The following NCOA2 variants were observed in gnomAD, a reference collection of about 807,000 sequenced individuals.
NCOA2 encodes class E basic helix-loop-helix protein 75.
In NCOA2, 21 loss-of-function variants were observed where a neutral mutation model predicts 145.1. The ratio of observed to expected loss-of-function variants is 0.14; its 90% CI spans 0.10 to 0.21. The LOEUF (loss-of-function observed/expected upper bound fraction) is 0.21, where lower values mean the gene tolerates loss of function less well. Ranked by LOEUF, NCOA2 falls within the 10% of genes least tolerant of loss-of-function variation. The pLI, the probability that NCOA2 is intolerant of heterozygous loss-of-function variation, is 1.00. For synonymous variants in NCOA2, 619 were observed against 637.5 expected, an observed-to-expected ratio of 0.97 and a Z score of 0.44; for missense variants, 1,472 against 1,837.6, an observed-to-expected ratio of 0.80 and a Z score of 3.64.
At position 70,266,363 on chromosome 8, in the gene NCOA2, G is replaced by C. The variant is rs116784957; in HGVS notation, c.-20+30381C>G. ...ATCAATCTACATAAAATGTTACTTTGGTAATGTCACTTGTTAGCTCCTGGA... is the reference window on the plus strand; with the variant it reads ...ATCAATCTACATAAAATGTTACTTTCGTAATGTCACTTGTTAGCTCCTGGA... On this transcript the variant is annotated intron_variant, in intron 2 of 22. Coordinates refer to ENST00000452400, the MANE Select transcript of NCOA2 (RefSeq NM_006540.4). 9.4e-3 allele frequency among the ~76,000 whole-genome samples: 1,433 copies of C among 152,190 alleles called. 22 individuals carry two copies. The highest frequency in any genetic ancestry group is 0.032 in the African/African-American group (1,336 of 41,522).
At position 70,144,663 on chromosome 8, in the gene NCOA2, T is replaced by G. The variant is rs770653398; in HGVS notation, c.2791A>C (p.Asn931His). The G allele has an allele frequency of 6.2e-7, 1 of 1,613,938 alleles. No homozygotes were observed. Among genetic ancestry groups the G allele is most frequent in the South Asian group, 1.1e-5 (1 of 91,076 alleles). ...TTACCTGTGCTACTGTTCCCTAAAT[T>G]TCCTTGGTTTCCTATCATCCCTTGA... ...GNQGMIGNQGNLGNSSTGMIG... is the reference protein window; with the variant it reads ...GNQGMIGNQGHLGNSSTGMIG... Residue 931 changes from asparagine (N) to histidine (H), a missense_variant, in exon 13 of 23, where the codon AAT becomes CAT. Coordinates refer to ENST00000452400, the MANE Select transcript of NCOA2 (RefSeq NM_006540.4).
At chr8:70,289,084 C>T (rs889387377) in intron 2 of NCOA2, among the ~76,000 whole-genome samples, 2 of 152,080 alleles carry the variant, frequency 1.3e-5, no homozygotes, top group African/African-American at 2.4e-5. Flanking sequence ...AATATAATAG[C>T]GTAAGTAATC....
chr8:70,437,510 G>A, the NCOA2 span, among the ~76,000 whole-genome samples: 3 of 152,190 alleles, frequency 2.0e-5, no homozygotes, highest in Admixed American at 6.5e-5. Flanking sequence ...AATCTGGTTT[G>A]ACCGAAGAAA....
intron 2 of NCOA2, among the ~76,000 whole-genome samples, chr8:70,270,666 A>C (rs2135280155): frequency 6.6e-6 from 1 of 152,286 alleles, no homozygotes; most frequent in Non-Finnish European, 1.5e-5. Context: ...ACCATAAAAA[A>C]ATTCTGCTTT....
At position 70,276,782 on chromosome 8, in the gene NCOA2, C is replaced by T. The variant is rs186834520; in HGVS notation, c.-20+19962G>A. Reference sequence around the variant, plus strand: ...AGTCTCGGGTATTTCTTCATAGCAGCGTGAGGACTAATATATACACCCGTT... The same window carrying T: ...AGTCTCGGGTATTTCTTCATAGCAGTGTGAGGACTAATATATACACCCGTT... On this transcript the variant is annotated intron_variant, in intron 2 of 22. Transcript: ENST00000452400. Among the ~76,000 whole-genome samples, 82 of 152,232 alleles carry T rather than the reference C, an allele frequency of 5.4e-4. 1 individual carries two copies. Among genetic ancestry groups the T allele is most frequent in the Non-Finnish European group, 1.9e-4 (13 of 68,020 alleles).
rs1170039842 is a variant in NCOA2, at chr8:70,110,351, G to C, written c.*3281C>G. 5.1e-6 allele frequency: 1 copy of C among 195,298 alleles called. No homozygotes were observed. Among genetic ancestry groups the C allele is most frequent in the Non-Finnish European group, 1.1e-5 (1 of 94,084 alleles). The allele number at this position is 195,298 out of a possible 1,614,324, so 12.1% of individuals were successfully genotyped here. ...AAAACAGATCTAAGGCATTATGCTA[G>C]ATTTTAGCATTTTGAGGTTCTTGCA... On this transcript the variant is annotated 3_prime_UTR_variant, in exon 23 of 23. Coordinates refer to ENST00000452400, the MANE Select transcript of NCOA2 (RefSeq NM_006540.4).
At chr8:70,122,656 A>G (rs552540917) in intron 21 of NCOA2, among the ~76,000 whole-genome samples, 10 of 152,346 alleles carry the variant, frequency 6.6e-5, no homozygotes, top group African/African-American at 2.4e-4. Flanking sequence ...ACAAGCACAC[A>G]ACCTTCTTAA....
At position 70,252,838 on chromosome 8, in the gene NCOA2, T is replaced by C. The variant is rs539680135; in HGVS notation, c.-19-36074A>G. 4.6e-5 allele frequency among the ~76,000 whole-genome samples: 7 copies of C among 152,322 alleles called. No individual in the cohort carries two copies. The South Asian group carries it at 1.2e-3, about 27-fold the overall frequency. ...TAGAGATGTTATATTCTGAGGCAAA[T>C]AATTAATTATTCATCTATTCCAAAT... On this transcript the variant is annotated intron_variant, in intron 2 of 22. Transcript: ENST00000452400.
the NCOA2 span, among the ~76,000 whole-genome samples, chr8:70,444,368 T>C: frequency 6.6e-6 from 1 of 152,222 alleles, no homozygotes; most frequent in African/African-American, 2.4e-5. Flanking sequence ...TGGCTGTGGC[T>C]GTGGCTATAA....
At chr8:70,304,324 C>A (rs908828685) in intron 1 of NCOA2, among the ~76,000 whole-genome samples, 1 of 152,194 alleles carries the variant, frequency 6.6e-6, no homozygotes. Context: ...TAGTAACATG[C>A]TACACAGGTT....
At chr8:70,250,042 A>G (rs1317124709) in intron 2 of NCOA2, among the ~76,000 whole-genome samples, 1 of 151,596 alleles carries the variant, frequency 6.6e-6, no homozygotes, top group Non-Finnish European at 1.5e-5. Context: ...GTGAGACCAG[A>G]GGTCATTTTC....
chr8:70,127,765 G>A (rs548481303), intron 18 of NCOA2, among the ~76,000 whole-genome samples: 1 of 152,194 alleles, frequency 6.6e-6, no homozygotes, highest in East Asian at 1.9e-4. Flanking sequence ...GAGCACAGTG[G>A]TAAAACATTT....
intron 1 of NCOA2, among the ~76,000 whole-genome samples, chr8:70,342,756 CTT>C (rs1808246264): frequency 6.9e-6 from 1 of 144,362 alleles, no homozygotes; most frequent in Non-Finnish European, 1.5e-5. Flanking sequence ...AACTTACACA[CTT>C]TTCTTCTTTT....
intron 13 of NCOA2, among the ~76,000 whole-genome samples, chr8:70,144,380 T>C (rs1810789551): frequency 6.6e-6 from 1 of 152,162 alleles, no homozygotes; most frequent in South Asian, 2.1e-4. Flanking sequence ...GTAACTGGGA[T>C]AGAAGTGAAA....
chr8:70,364,048 GA>G lies in NCOA2; in HGVS notation c.-77+39651del, dbSNP rs1205420367. Among the ~76,000 whole-genome samples, 689 of 148,160 alleles carry G rather than the reference GA, an allele frequency of 4.7e-3. 8 individuals are homozygous for G. The highest frequency in any genetic ancestry group is 0.015 in the African/African-American group (615 of 40,370). On this transcript the variant is annotated intron_variant, in intron 1 of 22. Coordinates refer to ENST00000452400, the MANE Select transcript of NCOA2 (RefSeq NM_006540.4). ...CCCACAAATAAAGACTCAAAGAATG[GA>G]AAAAAAAAATGCTGAAGAGAAAGAC... is the stretch of plus-strand genomic sequence containing the variant.
At chr8:70,342,975 A>G (rs1471865433) in intron 1 of NCOA2, among the ~76,000 whole-genome samples, 1 of 152,198 alleles carries the variant, frequency 6.6e-6, no homozygotes, top group African/African-American at 2.4e-5. Flanking sequence ...CAGAAATAAT[A>G]GCCTATAAGC....
At chr8:70,339,939 T>G (rs1192809672) in intron 1 of NCOA2, among the ~76,000 whole-genome samples, 2 of 152,004 alleles carry the variant, frequency 1.3e-5, no homozygotes, top group Non-Finnish European at 2.9e-5. Flanking sequence ...AAAAATTAAC[T>G]CAGGATGGAT....
chr8:70,271,250 TTTGAG>T (rs1323054935), intron 2 of NCOA2, among the ~76,000 whole-genome samples: 1 of 152,232 alleles, frequency 6.6e-6, no homozygotes, highest in Non-Finnish European at 1.5e-5. Context: ...TTGCTATGTC[TTTGAG>T]TTAACAAAAA....
At chr8:70,377,256 A>C (rs960987998) in intron 1 of NCOA2, among the ~76,000 whole-genome samples, 1 of 151,990 alleles carries the variant, frequency 6.6e-6, no homozygotes, top group Non-Finnish European at 1.5e-5. Context: ...GATTACATGG[A>C]AACTTTTTTT....
Sources: gnomAD v4.1 joint callset for allele counts (sites outside exome capture counted in the v4.1 genomes callset) on GRCh38, gnomAD v4.1.1 for gene constraint, MANE v1.5 for transcripts, NCBI Gene and HGNC (gene_info 2026-07-23, HGNC 2026-07-21) for gene names.